COL23A1: variants seen among roughly 807,000 people sequenced by gnomAD.
COL23A1 encodes collagen alpha-1(XXIII) chain.
A neutral mutation model predicts 99.3 loss-of-function variants in COL23A1; 97 were observed. The ratio of observed to expected loss-of-function variants is 0.98; its 90% CI spans 0.83 to 1.16. The LOEUF (loss-of-function observed/expected upper bound fraction) is 1.16, where lower values mean the gene tolerates loss of function less well. COL23A1 is among the 50% of genes most tolerant of loss of function. The probability of loss-of-function intolerance (pLI) is 0.00; values close to 1 mark genes in which losing one functional copy is unlikely to be tolerated. For synonymous variants in COL23A1, 320 were observed against 308.2 expected (o/e 1.04, Z -0.40); for missense variants, 762 against 757.4 (o/e 1.01, Z -0.07).
At chr5:178,291,730 G>A (rs1388848202) in intron 3 of COL23A1, among the ~76,000 whole-genome samples, 1 of 152,136 alleles carries the variant, frequency 6.6e-6, no homozygotes, top group Admixed American at 6.6e-5. Flanking sequence ...CCCCATGCAG[G>A]TGCTGGTGGG....
intron 25 of COL23A1, among the ~76,000 whole-genome samples, chr5:178,245,079 TCATCCATCCATCCGTC>T (rs1764602640): frequency 1.3e-5 from 1 of 77,200 alleles, no homozygotes. Flanking sequence ...TCATCATCTA[TCATCCATCCATCCGTC>T]CATCCATCCC....
chr5:178,509,387 A>AT (rs984595656), intron 2 of COL23A1, among the ~76,000 whole-genome samples: 23 of 151,916 alleles, frequency 1.5e-4, no homozygotes, highest in African/African-American at 5.3e-4. Flanking sequence ...TGCCCGGCTA[A>AT]TTTTTTTGTA....
intron 2 of COL23A1, among the ~76,000 whole-genome samples, chr5:178,530,308 A>G (rs961701156): frequency 6.6e-6 from 1 of 152,152 alleles, no homozygotes; most frequent in Admixed American, 6.5e-5. Flanking sequence ...TAAAAATAAA[A>G]AAGATTAGCC....
chr5:178,383,282 G>T (rs72822855), intron 2 of COL23A1, among the ~76,000 whole-genome samples: 21,066 of 152,150 alleles, frequency 0.14, 1,763 homozygotes, highest in South Asian at 0.28. Context: ...CTCCTGTTGG[G>T]ACCAGCTTCC....
rs548036824 is a variant in COL23A1, at chr5:178,360,472, T to TG, written c.362-53554dup. ...CTGGGGAGCCAGGCTGGGCCTCATG[T>TG]GGGGGGGGATGGAGGGCTGCAGTCG... On this transcript the variant is annotated intron_variant, in intron 2 of 28. Transcript: ENST00000390654. Among the ~76,000 whole-genome samples the TG allele has an allele frequency of 8.5e-3, 1,279 of 150,932 alleles. 20 individuals are homozygous for TG. The highest frequency in any genetic ancestry group is 0.036 in the Admixed American group (552 of 15,162).
In COL23A1 at chr5:178,307,916, C is replaced by A. The variant is rs930387528; in HGVS notation, c.362-997G>T. On this transcript the variant is annotated intron_variant, in intron 2 of 28. Transcript: ENST00000390654. This position sits in a 1 kb window ranked among gnomAD's most constrained non-coding sequence, Gnocchi z 4.2. ...CTTTCCTGCAAAAGCCAACCTCAAACCCCGTCAAGAATTTCCAGAACAACC... is the reference window on the plus strand; with the variant it reads ...CTTTCCTGCAAAAGCCAACCTCAAAACCCGTCAAGAATTTCCAGAACAACC... 7.2e-5 allele frequency among the ~76,000 whole-genome samples: 11 copies of A among 152,180 alleles called. No homozygotes were observed. Among genetic ancestry groups the A allele is most frequent in the Non-Finnish European group, 2.9e-5 (2 of 68,034 alleles).
At chr5:178,388,164 G>T (rs1763773701) in intron 2 of COL23A1, among the ~76,000 whole-genome samples, 3 of 152,186 alleles carry the variant, frequency 2.0e-5, no homozygotes, top group Admixed American at 2.0e-4. Flanking sequence ...GCCTTTAACA[G>T]ATAATTTTTC....
rs6872213 is a variant in COL23A1 at position 178,254,531 on chromosome 5, G to A, written c.960+418C>T. 8.2e-3 allele frequency among the ~76,000 whole-genome samples: 1,255 copies of A among 152,256 alleles called. 25 individuals carry two copies. The highest frequency in any genetic ancestry group is 0.029 in the African/African-American group (1,191 of 41,552). On this transcript the variant is annotated intron_variant, in intron 16 of 28. Coordinates refer to ENST00000390654, the MANE Select transcript of COL23A1 (RefSeq NM_173465.4). The stretch of plus-strand genomic sequence containing the variant: ...CCCAAGTTTACCAGCGACTGGGCTC[G>A]GAGGTCACATATCTCCCAAGGCTCT...
In COL23A1 at chr5:178,498,250, AT is replaced by A. The variant is rs1562025739; in HGVS notation, c.361+62431del. Among the ~76,000 whole-genome samples, 256 of 72,030 alleles carry A rather than the reference AT, an allele frequency of 3.6e-3. 9 individuals carry two copies. Among genetic ancestry groups the A allele is most frequent in the African/African-American group, 0.016 (188 of 11,650 alleles). The allele number at this position is 72,030 out of a possible 152,430, so 47.3% of individuals were successfully genotyped here. On this transcript the variant is annotated intron_variant, in intron 2 of 28. Coordinates refer to ENST00000390654, the MANE Select transcript of COL23A1 (RefSeq NM_173465.4). ...TATATATATATATATATATATATAT[AT>A]ATATATAAAAGAACTTAAAAATAAA...
intron 2 of COL23A1, among the ~76,000 whole-genome samples, chr5:178,318,965 G>A (rs1203835577): frequency 2.6e-5 from 4 of 151,920 alleles, no homozygotes; most frequent in Non-Finnish European, 5.9e-5. Flanking sequence ...AATACTTAAA[G>A]AGCCTGTAGC....
At chr5:178,585,673 G>T (rs922857268) in intron 1 of COL23A1, among the ~76,000 whole-genome samples, 86 of 151,038 alleles carry the variant, frequency 5.7e-4, no homozygotes, top group Admixed American at 8.6e-4. Flanking sequence ...ACACTCCACA[G>T]CCCTGGATGG....
intron 18 of COL23A1, 111 bp downstream of exon 18, chr5:178,249,950 A>G (rs1056002460): frequency 3.6e-6 from 5 of 1,375,628 alleles, no homozygotes; most frequent in African/African-American, 1.5e-5. Context: ...TTTCTCACAC[A>G]TGGTGTTTCT....
intron 2 of COL23A1, among the ~76,000 whole-genome samples, chr5:178,397,310 G>GC (rs1764203179): frequency 6.6e-6 from 1 of 152,254 alleles, no homozygotes; most frequent in African/African-American, 2.4e-5. Flanking sequence ...TTAGCAAGAC[G>GC]CAAGGAGGGG....
intron 2 of COL23A1, among the ~76,000 whole-genome samples, chr5:178,335,414 G>T (rs367582298): frequency 3.3e-5 from 5 of 152,156 alleles, no homozygotes; most frequent in African/African-American, 1.2e-4. Flanking sequence ...TAGGAAGAGC[G>T]GTCCCCCTGC....
intron 3 of COL23A1, among the ~76,000 whole-genome samples, chr5:178,305,954 G>T (rs760030191): frequency 1.4e-4 from 22 of 152,262 alleles, no homozygotes; most frequent in Middle Eastern, 3.4e-3. Context: ...AGAAAGCTGG[G>T]GGAGATGCTG....
chr5:178,247,889 A>C, intron 20 of COL23A1, 58 bp from the exon 21 acceptor site: 1 of 1,456,534 alleles, frequency 6.9e-7, no homozygotes, highest in East Asian at 2.3e-5. Context: ...ACCTACCCGC[A>C]CCCGAGCTCA....
intron 2 of COL23A1, among the ~76,000 whole-genome samples, chr5:178,504,153 T>A (rs1758732997): frequency 6.6e-6 from 1 of 152,010 alleles, no homozygotes; most frequent in Non-Finnish European, 1.5e-5. Context: ...GAGTCACATA[T>A]CTTCTTTGTT....
chr5:178,557,915 CAG>C (rs972118655), intron 2 of COL23A1, among the ~76,000 whole-genome samples: 19 of 152,118 alleles, frequency 1.2e-4, no homozygotes, highest in African/African-American at 4.3e-4. Context: ...CAGGCATGGA[CAG>C]GGGTGTGCTG....
At chr5:178,403,489 C>T (rs571784335) in intron 2 of COL23A1, among the ~76,000 whole-genome samples, 88 of 152,362 alleles carry the variant, frequency 5.8e-4, no homozygotes, top group African/African-American at 1.9e-3. Flanking sequence ...CCTATTTCAT[C>T]GATGGTGTCC....
Sources: allele counts gnomAD v4.1 joint callset (sites outside exome capture counted in the v4.1 genomes callset), GRCh38; gene constraint gnomAD v4.1.1; non-coding constraint Gnocchi (gnomAD v3.1); transcripts MANE v1.5; gene names NCBI Gene and HGNC (gene_info 2026-07-23, HGNC 2026-07-21).